TCFL5: variants seen among roughly 807,000 people sequenced by gnomAD.
TCFL5 encodes transcription factor-like 5 protein.
Under a neutral mutation model 44.3 loss-of-function variants are expected in TCFL5, and 9 were observed. The observed-to-expected ratio is 0.20, with a 90% CI of 0.12 to 0.35. The LOEUF is 0.35. Among genes scored for constraint, TCFL5 ranks in the 10% least tolerant of loss-of-function variants. The probability of loss-of-function intolerance (pLI) is 1.00; values close to 1 mark genes in which losing one functional copy is unlikely to be tolerated. For synonymous variants in TCFL5, 319 were observed against 271.6 expected (o/e 1.17, Z -1.72); for missense variants, 603 against 613.4 (o/e 0.98, Z 0.18).
Position 62,859,368 on chromosome 20 carries a change from C to G in TCFL5, c.990G>C (p.Val330=), listed in dbSNP as rs1252747417. ...ACCTGCTGCTTCATCGCTTACCTCC[C>G]ACTTTAATCCAAACTTGCTCAGGCA... is the stretch of plus-strand genomic sequence containing the variant. ...KVLPEQVWIK[V]GEAALCKQAL... Residue 330 remains valine, a synonymous_variant, in exon 3 of 6, where the codon GTG becomes GTC. Transcript: ENST00000335351. 1 of 1,602,718 alleles carries G rather than the reference C, an allele frequency of 6.2e-7. No individual in the cohort carries two copies. The highest frequency in any genetic ancestry group is 1.3e-5 in the African/African-American group (1 of 74,562).
intron 3 of TCFL5, among the ~76,000 whole-genome samples, chr20:62,858,162 C>T (rs1178613365): frequency 1.3e-5 from 2 of 152,232 alleles, no homozygotes; most frequent in African/African-American, 4.8e-5. Flanking sequence ...GTGCCCTCGC[C>T]GCAGAAGTGG....
At position 62,860,608 on chromosome 20, in the gene TCFL5, C is replaced by A. The variant is rs543784668; in HGVS notation, c.648-300G>T. ...GCTGGGATGAGCAGAAAACTGCGGA[C>A]GCAGCCCCTTCCACAGCCATCCCTG... On this transcript the variant is annotated intron_variant, in intron 1 of 5. Coordinates refer to ENST00000335351, the MANE Select transcript of TCFL5 (RefSeq NM_006602.4). Among the ~76,000 whole-genome samples the A allele has an allele frequency of 1.4e-4, 21 of 152,374 alleles. No homozygotes were observed. In the East Asian group the frequency reaches 3.7e-3, roughly 27 times the overall value.
At position 62,861,189 on chromosome 20, in the gene TCFL5, C is replaced by A. The variant is rs1478241336; in HGVS notation, c.482G>T (p.Gly161Val). Reference protein sequence around the residue: ...RARADGAAKEGAGAAAAAAGP... With the variant: ...RARADGAAKEVAGAAAAAAGP... ...AGCCGCAGCCGCAGCCGCGCCCGCGCCCTCCTTGGCGGCGCCGTCGGCCCG... is the reference window on the plus strand; with the variant it reads ...AGCCGCAGCCGCAGCCGCGCCCGCGACCTCCTTGGCGGCGCCGTCGGCCCG... The change falls in exon 1 of 6, where the codon GGC (glycine) becomes GTC (valine). Residue 161 changes from glycine to valine, a missense_variant. Physicochemically the swap from Gly to Val is moderately radical, Grantham distance 109. This residue lies in a region of TCFL5 where 540 missense variants were observed against 478.7 expected (regional missense o/e 1.13). Transcript: ENST00000335351. The surrounding 1 kb of genome is among the most constrained non-coding windows in gnomAD (Gnocchi z 4.0). The A allele has an allele frequency of 7.7e-6, 8 of 1,037,078 alleles. No individual in the cohort carries two copies. Among genetic ancestry groups the A allele is most frequent in the Non-Finnish European group, 9.2e-6 (8 of 868,020 alleles). 64.2% of individuals were successfully genotyped at this position (1,037,078 alleles called of 1,614,324 possible).
chr20:62,857,350 G>T, intron 4 of TCFL5, 45 bp downstream of exon 4: 5 of 1,582,562 alleles, frequency 3.2e-6, no homozygotes, highest in Non-Finnish European at 4.3e-6. Flanking sequence ...GTATGACTAA[G>T]GTAATCATAT....
chr20:62,861,783 C>T lies in TCFL5; in HGVS notation c.-113G>A, dbSNP rs1381819457. ...GGCCCGAGCACTACTCTGCGCCGGC[C>T]ACAGCCGGCGCGCCGTTGGGGGAGG... is the stretch of plus-strand genomic sequence containing the variant. On this transcript the variant is annotated 5_prime_UTR_variant, in exon 1 of 6. Transcript: ENST00000335351. The surrounding 1 kb of genome is among the most constrained non-coding windows in gnomAD (Gnocchi z 4.0). The T allele has an allele frequency of 7.3e-6, 1 of 136,734 alleles. No homozygotes were observed. The highest frequency in any genetic ancestry group is 1.7e-5 in the Non-Finnish European group (1 of 59,920). The allele number at this position is 136,734 out of a possible 1,614,324, so 8.5% of individuals were successfully genotyped here. A position where few individuals can be genotyped will look rare whatever the true frequency, so the allele number is the denominator to read the frequency against.
intron 5 of TCFL5, chr20:62,852,505 G>T (rs2063824022): frequency 1.0e-6 from 1 of 985,370 alleles, no homozygotes; most frequent in Non-Finnish European, 1.2e-6. Flanking sequence ...CACACGTCTA[G>T]TTCCAGCCAA....
At chr20:62,846,830 TAGTA>T (rs1245666233) in intron 5 of TCFL5, among the ~76,000 whole-genome samples, 2 of 151,534 alleles carry the variant, frequency 1.3e-5, no homozygotes, top group African/African-American at 2.4e-5. Context: ...AAAATTTTCT[TAGTA>T]AGAAAAAAGA....
chr20:62,853,121 CAGA>C (rs2063837404), intron 5 of TCFL5, among the ~76,000 whole-genome samples: 1 of 149,724 alleles, frequency 6.7e-6, no homozygotes, highest in Admixed American at 6.7e-5. Context: ...ACCCGGTCCA[CAGA>C]AGTACAGTCA....
At chr20:62,858,135 TGCA>T (rs140442023) in intron 3 of TCFL5, among the ~76,000 whole-genome samples, 1,976 of 152,316 alleles carry the variant, frequency 0.013, 31 homozygotes, top group African/African-American at 0.045. Flanking sequence ...AGAACAAAAC[TGCA>T]GCAGCGTGTG....
At chr20:62,845,540 A>C in intron 5 of TCFL5, 1 of 1,456,500 alleles carries the variant, frequency 6.9e-7, no homozygotes, top group Non-Finnish European at 9.1e-7. Flanking sequence ...ATTTGGCAAG[A>C]TAGAATTCAC....
At chr20:62,856,973 A>G in intron 4 of TCFL5, among the ~76,000 whole-genome samples, 1 of 152,144 alleles carries the variant, frequency 6.6e-6, no homozygotes, top group Non-Finnish European at 1.5e-5. Flanking sequence ...TGCCTACGTG[A>G]CACGCCCCTG....
intron 5 of TCFL5, chr20:62,846,053 A>T: frequency 7.5e-7 from 1 of 1,340,594 alleles, no homozygotes; most frequent in Non-Finnish European, 9.9e-7. Context: ...CTTTCCATCA[A>T]CTGCTGATTT....
chr20:62,845,449 G>A (rs2063729394), intron 5 of TCFL5: 1 of 1,327,308 alleles, frequency 7.5e-7, no homozygotes, highest in Admixed American at 3.3e-5. Context: ...AAGGTTTTAG[G>A]ATGCAATTTA....
chr20:62,850,941 C>G lies in TCFL5; in HGVS notation c.1380+3075G>C, dbSNP rs546260349. ...CACCTTCCACCCGCAAGGCCCTGCT[C>G]CCACTGTCTTCACGTTTACTCGTCC... On this transcript the variant is annotated intron_variant, in intron 5 of 5. Transcript: ENST00000335351. Among the ~76,000 whole-genome samples the G allele has an allele frequency of 2.0e-5, 3 of 152,196 alleles. No homozygotes were observed. In the South Asian group the frequency reaches 6.2e-4, roughly 32 times the overall value.
chr20:62,859,124 A>AT (rs1388278249), intron 3 of TCFL5, among the ~76,000 whole-genome samples: 1 of 152,376 alleles, frequency 6.6e-6, no homozygotes, highest in East Asian at 1.9e-4. Context: ...TACTGTTAAG[A>AT]AAAAGCCCTC....
chr20:62,858,446 T>C (rs1258665000), intron 3 of TCFL5, among the ~76,000 whole-genome samples: 7 of 152,270 alleles, frequency 4.6e-5, no homozygotes, highest in African/African-American at 1.7e-4. Context: ...CTCATCTTTG[T>C]ATCTTACAAA....
At chr20:62,845,997 GAC>G (rs1394027309) in intron 5 of TCFL5, 11 of 1,401,850 alleles carry the variant, frequency 7.8e-6, no homozygotes, top group East Asian at 3.8e-5. Flanking sequence ...GCTTCGTGGA[GAC>G]ACAGCCATTT....
intron 4 of TCFL5, among the ~76,000 whole-genome samples, chr20:62,855,993 G>A (rs910589840): frequency 3.3e-5 from 5 of 152,118 alleles, no homozygotes; most frequent in Admixed American, 6.5e-5. Context: ...GCTCATGCCT[G>A]TAATCCCAGC....
Position 62,859,405 on chromosome 20 carries a change from C to T in TCFL5, c.953G>A (p.Arg318Lys). 6.2e-7 allele frequency: 1 copy of T among 1,611,920 alleles called. No homozygotes were observed. ...AACTTGCTCAGGCAAAACTTTGTTT[C>T]TACTACCTAACGTCTGTTTAGTGGA... Reference protein sequence around the residue: ...IESTKQTLGSRNKVLPEQVWI... With the variant: ...IESTKQTLGSKNKVLPEQVWI... Residue 318 changes from arginine to lysine, a missense_variant, in exon 3 of 6, where the codon AGA becomes AAA. Physicochemically the swap from Arg to Lys is conservative, Grantham distance 26 (BLOSUM62 2). Around this residue, in one of 4 missense-constraint regions of TCFL5, gnomAD observed 540 missense variants for 478.7 expected, o/e 1.13. Transcript: ENST00000335351.
Sources: gnomAD v4.1 joint callset for allele counts (sites outside exome capture counted in the v4.1 genomes callset) on GRCh38, gnomAD v4.1.1 for gene constraint, gnomAD v4.1.1 regional missense constraint, Gnocchi (gnomAD v3.1) non-coding constraint, MANE v1.5 for transcripts, NCBI Gene and HGNC (gene_info 2026-07-23, HGNC 2026-07-21) for gene names.